COMMD9: variants seen among roughly 807,000 people sequenced by gnomAD.
COMMD9 encodes COMM domain containing 9.
COMMD9 carries 22 observed loss-of-function variants against 23.4 expected under a neutral mutation model. The observed-to-expected ratio is 0.94, with a 90% CI of 0.67 to 1.34. The LOEUF is 1.34. Ranked by LOEUF, COMMD9 falls within the 40% of genes most tolerant of loss-of-function variation. The pLI is 0.00. For missense variants in COMMD9, 231 were observed against 240.2 expected (o/e 0.96, Z 0.25); for synonymous variants, 99 against 97.4 (o/e 1.02, Z -0.10).
At chr11:36,286,405 AAAAAAAAAGAAAGAAAG>A (rs1856153906) in intron 1 of COMMD9, among the ~76,000 whole-genome samples, 1 of 89,266 alleles carries the variant, frequency 1.1e-5, no homozygotes, top group African/African-American at 4.2e-5. Flanking sequence ...CAAAAAAAAA[AAAAAAAAAGAAAGAAAG>A]AAAGAAAGAA....
chr11:36,280,821 A>G lies in COMMD9; in HGVS notation c.68T>C (p.Val23Ala), dbSNP rs1856053621. The G allele has an allele frequency of 1.3e-6, 2 of 1,592,474 alleles. No individual in the cohort carries two copies. Among genetic ancestry groups the G allele is most frequent in the Non-Finnish European group, 8.6e-7 (1 of 1,169,268 alleles). Residue 23 changes from valine (V) to alanine (A), a missense_variant, in exon 2 of 6, where the codon GTT (valine) becomes GCT (alanine). Val to Ala is a moderately conservative substitution (Grantham distance 64). Coordinates refer to ENST00000263401, the MANE Select transcript of COMMD9 (RefSeq NM_014186.4). The part of the protein sequence containing the change: ...QSLLKASSKD[V>A]VRQLCQESFS... ...GCTTTCTTGACACAGCTGTCTGACA[A>G]CATCTTTCGAGGAGGCCTATGAATT... is the stretch of plus-strand genomic sequence containing the variant.
At chr11:36,280,658 G>C in intron 2 of COMMD9, 54 bp downstream of exon 2, 1 of 1,501,498 alleles carries the variant, frequency 6.7e-7, no homozygotes, top group Non-Finnish European at 8.9e-7. Flanking sequence ...GGGAAGTCAA[G>C]AAAGAGACTA....
In COMMD9 at chr11:36,280,810, G is replaced by A; in HGVS notation, c.79C>T (p.Leu27=). The change falls in exon 2 of 6, where the codon CTG becomes TTG. Residue 27 remains leucine, a synonymous_variant. Transcript: ENST00000263401. ...GAACTGGAAAAGCTTTCTTGACACA[G>A]CTGTCTGACAACATCTTTCGAGGAG... ...KASSKDVVRQ[L]CQESFSSSAL... The A allele has an allele frequency of 7.5e-6, 12 of 1,601,152 alleles. No individual in the cohort carries two copies. Among genetic ancestry groups the A allele is most frequent in the Admixed American group, 1.7e-5 (1 of 58,194 alleles).
intron 1 of COMMD9, among the ~76,000 whole-genome samples, chr11:36,282,025 G>A (rs1455851936): frequency 1.3e-5 from 2 of 152,106 alleles, no homozygotes; most frequent in Admixed American, 6.5e-5. Context: ...CTCAGTAGAT[G>A]GGCTCAGCAC....
intron 1 of COMMD9, among the ~76,000 whole-genome samples, chr11:36,281,891 CAAAT>C (rs1476838577): frequency 2.0e-5 from 3 of 152,090 alleles, no homozygotes; most frequent in African/African-American, 7.2e-5. Flanking sequence ...TATGCTTCAA[CAAAT>C]AATTATGAAC....
Position 36,272,660 on chromosome 11 carries a change from AG to A in COMMD9, c.*1971del, listed in dbSNP as rs1187800635. Reference sequence around the variant, plus strand: ...AAAAAATTGAATGTTCATTTCCTATAGCAGATAAAGAAGAGCTTGGAATTTT... The same window carrying A: ...AAAAAATTGAATGTTCATTTCCTATACAGATAAAGAAGAGCTTGGAATTTT... On this transcript the variant is annotated 3_prime_UTR_variant, in exon 6 of 6. Coordinates refer to ENST00000263401, the MANE Select transcript of COMMD9 (RefSeq NM_014186.4). 1 of 152,230 alleles carries A rather than the reference AG, an allele frequency of 6.6e-6. No individual in the cohort carries two copies. The highest frequency in any genetic ancestry group is 1.9e-4 in the East Asian group (1 of 5,196). 9.4% of individuals were successfully genotyped at this position (152,230 alleles called of 1,614,324 possible). A position where few individuals can be genotyped will look rare whatever the true frequency, so the allele number is the denominator to read the frequency against.
At chr11:36,280,644 G>T in intron 2 of COMMD9, 68 bp downstream of exon 2, 1 of 1,458,606 alleles carries the variant, frequency 6.9e-7, no homozygotes, top group South Asian at 1.4e-5. Context: ...ACATGGCAAT[G>T]ACTGGGAAGT....
chr11:36,277,766 C>T (rs1404482063), intron 3 of COMMD9, among the ~76,000 whole-genome samples: 1 of 152,074 alleles, frequency 6.6e-6, no homozygotes, highest in South Asian at 2.1e-4. Flanking sequence ...AAAAAGATAT[C>T]TGACATCACT....
At chr11:36,277,547 G>T (rs958814924) in intron 3 of COMMD9, among the ~76,000 whole-genome samples, 6 of 152,172 alleles carry the variant, frequency 3.9e-5, no homozygotes, top group African/African-American at 1.4e-4. Context: ...AATAAAATGT[G>T]ATCATGTATG....
At chr11:36,276,410 T>C in intron 4 of COMMD9, 170 bp from the exon 5 acceptor site, 2 of 595,702 alleles carry the variant, frequency 3.4e-6, no homozygotes, top group Non-Finnish European at 6.0e-6. Context: ...GTCATGTGCC[T>C]TACCCATTGC....
At chr11:36,278,429 A>G (rs763934026) in intron 3 of COMMD9, 48 bp downstream of exon 3, 2 of 1,525,716 alleles carry the variant, frequency 1.3e-6, no homozygotes, top group East Asian at 2.2e-5. Context: ...AATAAAAATA[A>G]TAAGAAATGT....
chr11:36,283,637 GA>G (rs1262235250), intron 1 of COMMD9, among the ~76,000 whole-genome samples: 1 of 152,032 alleles, frequency 6.6e-6, no homozygotes, highest in African/African-American at 2.4e-5. Context: ...GGGAAGGCAG[GA>G]AAAAGTAAAA....
At chr11:36,286,895 G>A (rs527595819) in intron 1 of COMMD9, among the ~76,000 whole-genome samples, 90 of 152,244 alleles carry the variant, frequency 5.9e-4, no homozygotes, top group African/African-American at 2.1e-3. Flanking sequence ...GTTAAGGAGA[G>A]TGTGGCTATT....
At chr11:36,284,505 A>C (rs1413238919) in intron 1 of COMMD9, among the ~76,000 whole-genome samples, 2 of 152,372 alleles carry the variant, frequency 1.3e-5, no homozygotes, top group East Asian at 3.9e-4. Context: ...TATAGAAGGA[A>C]CTAACAATAC....
At chr11:36,281,776 C>A (rs988243210) in intron 1 of COMMD9, among the ~76,000 whole-genome samples, 4 of 152,172 alleles carry the variant, frequency 2.6e-5, no homozygotes, top group Admixed American at 2.6e-4. Context: ...AAACCAAGAA[C>A]CAGAAAGATC....
intron 1 of COMMD9, among the ~76,000 whole-genome samples, chr11:36,286,410 A>AAAAAAAAAAAAAG (rs1285648187): frequency 6.7e-5 from 7 of 104,824 alleles, no homozygotes; most frequent in African/African-American, 2.0e-4. Context: ...AAAAAAAAAA[A>AAAAAAAAAAAAAG]AAAGAAAGAA....
chr11:36,279,709 T>C (rs1187851567), intron 2 of COMMD9, among the ~76,000 whole-genome samples: 2 of 152,238 alleles, frequency 1.3e-5, no homozygotes, highest in East Asian at 3.8e-4. Flanking sequence ...AATAATCTAC[T>C]TTGGGGGGGA....
chr11:36,276,059 C>T, intron 5 of COMMD9, 78 bp downstream of exon 5: 1 of 1,068,112 alleles, frequency 9.4e-7, no homozygotes, highest in Non-Finnish European at 1.5e-6. Flanking sequence ...GTTAGAGATC[C>T]CAAACCTTGG....
chr11:36,278,494 C>G lies in COMMD9; in HGVS notation c.300G>C (p.Lys100Asn). 6.2e-7 allele frequency: 1 copy of G among 1,613,916 alleles called. No homozygotes were observed. The highest frequency in any genetic ancestry group is 8.5e-7 in the Non-Finnish European group (1 of 1,179,790). The stretch of plus-strand genomic sequence containing the variant: ...GCACTTACACATGTTCTAGGATGAT[C>G]TTTGTCAGCAGGTTTTTGAGGTTTT... ...FHQNLKNLLT[K>N]IILEHVSTWR... Residue 100 changes from lysine to asparagine, a missense_variant, in exon 3 of 6, where the codon AAG (lysine) becomes AAC (asparagine). Coordinates refer to ENST00000263401, the MANE Select transcript of COMMD9 (RefSeq NM_014186.4).
Sources: allele counts gnomAD v4.1 joint callset (sites outside exome capture counted in the v4.1 genomes callset), GRCh38; gene constraint gnomAD v4.1.1; transcripts MANE v1.5; gene names NCBI Gene and HGNC (gene_info 2026-07-23, HGNC 2026-07-21).